Variants in GRIN2B observed in about 807,000 individuals in gnomAD.
The protein encoded by GRIN2B is glutamate receptor ionotropic, NMDA 2B.
Under a neutral mutation model 114.5 loss-of-function variants are expected in GRIN2B, and 5 were observed. The ratio of observed to expected loss-of-function variants is 0.04; its 90% CI spans 0.02 to 0.09. The LOEUF (loss-of-function observed/expected upper bound fraction) is 0.09, where lower values mean the gene tolerates loss of function less well. Ranked by LOEUF, GRIN2B falls within the 10% of genes least tolerant of loss-of-function variation. The pLI, the probability that GRIN2B is intolerant of heterozygous loss-of-function variation, is 1.00. For synonymous variants in GRIN2B, 787 were observed against 745.1 expected (o/e 1.06, Z -0.92); for missense variants, 1,108 against 1,943.5 (o/e 0.57, Z 8.08).
intron 4 of GRIN2B, among the ~76,000 whole-genome samples, chr12:13,694,006 A>C (rs1169583460): frequency 1.3e-5 from 2 of 152,130 alleles, no homozygotes; most frequent in Non-Finnish European, 2.9e-5. Flanking sequence ...ACTAGGAAGA[A>C]AGAGAACCTA....
intron 2 of GRIN2B, among the ~76,000 whole-genome samples, chr12:13,940,988 C>T (rs1713769870): frequency 6.6e-6 from 1 of 151,980 alleles, no homozygotes; most frequent in South Asian, 2.1e-4. Flanking sequence ...CCTTCATTTC[C>T]CACATTTTCT....
intron 3 of GRIN2B, among the ~76,000 whole-genome samples, chr12:13,793,344 C>T (rs1383415695): frequency 6.6e-6 from 1 of 152,014 alleles, no homozygotes; most frequent in East Asian, 1.9e-4. Context: ...TCTCTTGAAC[C>T]TCAGAGGCGG....
chr12:13,618,550 T>TC (rs915514729), intron 5 of GRIN2B, among the ~76,000 whole-genome samples: 4 of 152,024 alleles, frequency 2.6e-5, no homozygotes, highest in African/African-American at 9.7e-5. Context: ...TCACTAAGGG[T>TC]CCCCCCAGAG....
chr12:13,885,053 G>A (rs1866132503), intron 2 of GRIN2B, among the ~76,000 whole-genome samples: 1 of 152,016 alleles, frequency 6.6e-6, no homozygotes, highest in African/African-American at 2.4e-5. Flanking sequence ...AGATAATCAG[G>A]CCATAAAAAA....
chr12:13,576,746 T>A (rs2136421799), intron 10 of GRIN2B, among the ~76,000 whole-genome samples: 1 of 152,260 alleles, frequency 6.6e-6, no homozygotes, highest in African/African-American at 2.4e-5. Flanking sequence ...AGAGACAGGG[T>A]TTCGCCATGT....
chr12:13,610,272 C>A (rs1309131039), intron 9 of GRIN2B, among the ~76,000 whole-genome samples: 2 of 152,170 alleles, frequency 1.3e-5, no homozygotes, highest in African/African-American at 4.8e-5. Context: ...TAAAGTGGCC[C>A]CATGTTGAAT....
intron 1 of GRIN2B, among the ~76,000 whole-genome samples, chr12:13,980,778 G>T (rs1353993150): frequency 6.6e-6 from 1 of 152,110 alleles, no homozygotes; most frequent in Non-Finnish European, 1.5e-5. Context: ...GACTTGTCTC[G>T]CTCGCTCTCC....
chr12:13,633,279 G>A (rs1949632851), intron 5 of GRIN2B, among the ~76,000 whole-genome samples: 1 of 152,198 alleles, frequency 6.6e-6, no homozygotes, highest in Admixed American at 6.5e-5. Context: ...ACATTCTCAG[G>A]CATCTCTCCA....
intron 2 of GRIN2B, among the ~76,000 whole-genome samples, chr12:13,933,847 A>T (rs1411702855): frequency 1.3e-5 from 2 of 152,172 alleles, no homozygotes. Context: ...AAGCTAACAG[A>T]ATGAGGTTCA....
At chr12:13,855,240 G>A (rs556032572) in intron 3 of GRIN2B, among the ~76,000 whole-genome samples, 1 of 151,872 alleles carries the variant, frequency 6.6e-6, no homozygotes, top group Admixed American at 6.6e-5. Context: ...AGACAAAAGA[G>A]AGAAAAGAGA....
intron 5 of GRIN2B, among the ~76,000 whole-genome samples, chr12:13,636,028 T>C (rs1008056991): frequency 2.0e-5 from 3 of 152,044 alleles, no homozygotes; most frequent in Non-Finnish European, 4.4e-5. Context: ...GAGAGAGCTA[T>C]TGAGATAATT....
At chr12:13,761,383 T>C (rs1158613736) in intron 3 of GRIN2B, among the ~76,000 whole-genome samples, 1 of 152,230 alleles carries the variant, frequency 6.6e-6, no homozygotes, top group East Asian at 1.9e-4. Flanking sequence ...ACTTTGAGAA[T>C]GTCTACAAGA....
chr12:13,889,091 C>CT (rs1278032311), intron 2 of GRIN2B, among the ~76,000 whole-genome samples: 1 of 152,076 alleles, frequency 6.6e-6, no homozygotes, highest in Non-Finnish European at 1.5e-5. Flanking sequence ...ATTCTATAAG[C>CT]TTTTTTCTAT....
At position 13,564,853 on chromosome 12, in the gene GRIN2B, G is replaced by T. The variant is rs1161660458; in HGVS notation, c.2599-214C>A. Among the ~76,000 whole-genome samples, 1 of 151,322 alleles carries T rather than the reference G, an allele frequency of 6.6e-6. No individual in the cohort carries two copies. Among genetic ancestry groups the T allele is most frequent in the Non-Finnish European group, 1.5e-5 (1 of 67,694 alleles). On this transcript the variant is annotated intron_variant, in intron 13 of 13. Transcript: ENST00000609686. This position sits in a 1 kb window ranked among gnomAD's most constrained non-coding sequence, Gnocchi z 4.8. The stretch of plus-strand genomic sequence containing the variant: ...TGTGGTGAGCTGAGGTCAGTGACCT[G>T]GCCATCAGAGGGGGGGGCATGGCCC...
intron 3 of GRIN2B, among the ~76,000 whole-genome samples, chr12:13,756,600 A>T (rs1203257937): frequency 1.3e-5 from 2 of 152,226 alleles, no homozygotes; most frequent in Admixed American, 6.5e-5. Context: ...GTTATAGCAA[A>T]GTGAAGAAAC....
intron 2 of GRIN2B, among the ~76,000 whole-genome samples, chr12:13,930,863 C>G (rs1867016157): frequency 6.6e-6 from 1 of 152,126 alleles, no homozygotes; most frequent in Non-Finnish European, 1.5e-5. Context: ...TATATAATAA[C>G]AGGGTGGAGA....
At chr12:13,907,350 C>T (rs182126378) in intron 2 of GRIN2B, among the ~76,000 whole-genome samples, 4 of 152,122 alleles carry the variant, frequency 2.6e-5, no homozygotes, top group East Asian at 3.9e-4. Flanking sequence ...ATTAGCAGGG[C>T]GTGGTGGCAC....
intron 5 of GRIN2B, among the ~76,000 whole-genome samples, chr12:13,628,539 G>A (rs1949591251): frequency 6.6e-6 from 1 of 152,182 alleles, no homozygotes; most frequent in Admixed American, 6.5e-5. Context: ...TATAGCTCAG[G>A]ACACTAATGA....
intron 4 of GRIN2B, among the ~76,000 whole-genome samples, chr12:13,742,880 C>A (rs1863310255): frequency 6.6e-6 from 1 of 152,202 alleles, no homozygotes; most frequent in South Asian, 2.1e-4. Flanking sequence ...AGGGGAATTT[C>A]CTAAACAGGG....
Sources: gnomAD v4.1 joint callset for allele counts (sites outside exome capture counted in the v4.1 genomes callset) on GRCh38, gnomAD v4.1.1 for gene constraint, Gnocchi (gnomAD v3.1) non-coding constraint, MANE v1.5 for transcripts, NCBI Gene and HGNC (gene_info 2026-07-23, HGNC 2026-07-21) for gene names.